The following FAM89A variants were observed in gnomAD, a reference collection of about 807,000 sequenced individuals.
The protein encoded by FAM89A is protein FAM89A.
A neutral mutation model predicts 7.1 loss-of-function variants in FAM89A; 10 were observed. The ratio of observed to expected loss-of-function variants is 1.40; its 90% CI spans 0.86 to 2.38. FAM89A has a LOEUF of 2.38. FAM89A is among the 30% of genes most tolerant of loss of function. The pLI, the probability that FAM89A is intolerant of heterozygous loss-of-function variation, is 0.00. For synonymous variants in FAM89A, 157 were observed against 129.3 expected, an observed-to-expected ratio of 1.21 and a Z score of -1.45; for missense variants, 276 against 262.8, an observed-to-expected ratio of 1.05 and a Z score of -0.35.
rs1679881597 is a variant in FAM89A at position 231,021,673 on chromosome 1, G to A, written c.292-1547C>T. The A allele has an allele frequency of 1.2e-5, 19 of 1,574,552 alleles. 1 individual carries two copies. In the South Asian group the frequency reaches 2.0e-4, roughly 17 times the overall value. ...CTAGACAAGCCCAGAAGCGAACACG[G>A]GAAGCAACCTCCACCCCTGAGATTT... On this transcript the variant is annotated intron_variant, in intron 1 of 1. Transcript: ENST00000366654.
intron 1 of FAM89A, among the ~76,000 whole-genome samples, chr1:231,030,002 C>T (rs1680042414): frequency 6.6e-6 from 1 of 152,224 alleles, no homozygotes; most frequent in Non-Finnish European, 1.5e-5. Context: ...AGAGAGACTT[C>T]ATCAGTGTTG....
At chr1:231,022,545 G>A (rs1359091938) in intron 1 of FAM89A, among the ~76,000 whole-genome samples, 1 of 152,128 alleles carries the variant, frequency 6.6e-6, no homozygotes. Context: ...TGTCCCAAGT[G>A]TCTGCCGGTC....
chr1:231,026,123 A>G (rs901453424), intron 1 of FAM89A: 3 of 153,518 alleles, frequency 2.0e-5, no homozygotes, highest in African/African-American at 7.3e-5. Flanking sequence ...TAGTATTTCC[A>G]TGGTTTCTTT....
At position 231,040,105 on chromosome 1, in the gene FAM89A, T is replaced by A. The variant is rs777461342; in HGVS notation, c.107A>T (p.His36Leu). The change falls in exon 1 of 2, where the codon CAC becomes CTC. Residue 36 changes from histidine to leucine, a missense_variant. Physicochemically the swap from His to Leu is moderately conservative, Grantham distance 99. Transcript: ENST00000366654. ...AGACGCGCCGCCGCCCGACGCCGAG[T>A]GCAGCAGCCCGCTCAAGCTCTTTGG... Reference protein sequence around the residue: ...PLPKSLSGLLHSASGGGASGG... With the variant: ...PLPKSLSGLLLSASGGGASGG... The A allele has an allele frequency of 7.0e-7, 1 of 1,430,210 alleles. No homozygotes were observed. The highest frequency in any genetic ancestry group is 3.1e-5 in the East Asian group (1 of 32,210). 88.6% of individuals were successfully genotyped at this position (1,430,210 alleles called of 1,614,324 possible). A position where few individuals can be genotyped will look rare whatever the true frequency, so the allele number is the denominator to read the frequency against.
At chr1:231,021,308 T>A (rs1679872840) in intron 1 of FAM89A, among the ~76,000 whole-genome samples, 1 of 152,238 alleles carries the variant, frequency 6.6e-6, no homozygotes, top group Non-Finnish European at 1.5e-5. Flanking sequence ...CAATTCAATA[T>A]CAATCCACTC....
At chr1:231,025,798 T>C (rs368707196) in intron 1 of FAM89A, among the ~76,000 whole-genome samples, 2 of 151,984 alleles carry the variant, frequency 1.3e-5, no homozygotes, top group African/African-American at 4.8e-5. Context: ...AGGAATTTTC[T>C]ATTGAAAAAA....
At chr1:231,027,575 G>A (rs998593726) in intron 1 of FAM89A, among the ~76,000 whole-genome samples, 1 of 152,162 alleles carries the variant, frequency 6.6e-6, no homozygotes, top group African/African-American at 2.4e-5. Context: ...GAGGACATAA[G>A]GTAAGTCACT....
At chr1:231,027,378 C>T (rs1679992067) in intron 1 of FAM89A, among the ~76,000 whole-genome samples, 1 of 152,164 alleles carries the variant, frequency 6.6e-6, no homozygotes, top group African/African-American at 2.4e-5. Flanking sequence ...CAGCGCAGCC[C>T]CGCACACACC....
chr1:231,019,720 C>T lies in FAM89A; in HGVS notation c.*143G>A. On this transcript the variant is annotated 3_prime_UTR_variant, in exon 2 of 2. Coordinates refer to ENST00000366654, the MANE Select transcript of FAM89A (RefSeq NM_198552.3). ...CATGCATCCGCGGAGAACTCCCTGC[C>T]TACAAATGAAACTGGTAGCGCTCAT... 1.1e-6 allele frequency: 1 copy of T among 905,188 alleles called. No individual in the cohort carries two copies. The allele number at this position is 905,188 out of a possible 1,614,324, so 56.1% of individuals were successfully genotyped here.
At chr1:231,036,734 C>T (rs903502710) in intron 1 of FAM89A, among the ~76,000 whole-genome samples, 6 of 152,186 alleles carry the variant, frequency 3.9e-5, no homozygotes, top group African/African-American at 1.4e-4. Context: ...ACTCCCTCAG[C>T]TCCAACCATC....
intron 1 of FAM89A, chr1:231,026,071 TAAA>T (rs35151430): frequency 2.2e-5 from 3 of 138,548 alleles, no homozygotes; most frequent in Non-Finnish European, 1.6e-5. Context: ...GCTCAGCTCC[TAAA>T]AAAAAAAAAA....
chr1:231,036,549 T>C (rs1680157575), intron 1 of FAM89A, among the ~76,000 whole-genome samples: 1 of 151,982 alleles, frequency 6.6e-6, no homozygotes, highest in South Asian at 2.1e-4. Context: ...TAGTGCAGAA[T>C]TTCACAGGGG....
chr1:231,025,842 C>G (rs1679959744), intron 1 of FAM89A, among the ~76,000 whole-genome samples: 1 of 151,854 alleles, frequency 6.6e-6, no homozygotes, highest in Admixed American at 6.6e-5. Flanking sequence ...CCAGATGATG[C>G]TGATGCTCAG....
intron 1 of FAM89A, chr1:231,022,117 C>T (rs571366386): frequency 1.3e-5 from 17 of 1,295,482 alleles, no homozygotes; most frequent in East Asian, 6.9e-5. Flanking sequence ...CCCTGAAGAA[C>T]GCTAATACTT....
intron 1 of FAM89A, among the ~76,000 whole-genome samples, chr1:231,021,414 T>A (rs1055067125): frequency 1.3e-5 from 2 of 152,178 alleles, no homozygotes; most frequent in African/African-American, 4.8e-5. Context: ...TTCTCTGGAG[T>A]GCGCCGGTGG....
intron 1 of FAM89A, among the ~76,000 whole-genome samples, chr1:231,031,975 G>A (rs751406649): frequency 2.6e-5 from 4 of 152,140 alleles, no homozygotes; most frequent in East Asian, 3.9e-4. Context: ...TGCCCAAGGC[G>A]CCTTTCCAAT....
chr1:231,035,370 T>C (rs748625491), intron 1 of FAM89A, among the ~76,000 whole-genome samples: 3 of 152,114 alleles, frequency 2.0e-5, no homozygotes, highest in African/African-American at 4.8e-5. Context: ...AAATAACTGA[T>C]AGTTTAAAGA....
At chr1:231,029,974 G>T (rs554798927) in intron 1 of FAM89A, among the ~76,000 whole-genome samples, 10 of 152,306 alleles carry the variant, frequency 6.6e-5, no homozygotes, top group African/African-American at 2.4e-4. Context: ...GCCCTGCATA[G>T]TGTTTAGAAA....
At chr1:231,027,968 C>T (rs1044072325) in intron 1 of FAM89A, among the ~76,000 whole-genome samples, 1 of 152,194 alleles carries the variant, frequency 6.6e-6, no homozygotes, top group Non-Finnish European at 1.5e-5. Context: ...ACAGGACAAG[C>T]TCCATGAAGG....
Sources: gnomAD v4.1 joint callset for allele counts (sites outside exome capture counted in the v4.1 genomes callset) on GRCh38, gnomAD v4.1.1 for gene constraint, MANE v1.5 for transcripts, NCBI Gene and HGNC (gene_info 2026-07-23, HGNC 2026-07-21) for gene names.